Variants in KIF3C observed in about 807,000 individuals in gnomAD.
KIF3C encodes kinesin family member 3C.
Under a neutral mutation model 67.7 loss-of-function variants are expected in KIF3C, and 12 were observed. The ratio of observed to expected loss-of-function variants is 0.18; its 90% CI spans 0.11 to 0.29. The LOEUF is 0.29. KIF3C is among the 10% of genes least tolerant of loss of function. The pLI is 1.00. For synonymous variants in KIF3C, 393 were observed against 426.2 expected, an observed-to-expected ratio of 0.92 and a Z score of 0.96; for missense variants, 789 against 1,059.6, an observed-to-expected ratio of 0.74 and a Z score of 3.55.
chr2:25,946,890 C>A (rs190701794), intron 5 of KIF3C, among the ~76,000 whole-genome samples: 1 of 151,722 alleles, frequency 6.6e-6, no homozygotes, highest in Non-Finnish European at 1.5e-5. Context: ...CAGTGGCTCA[C>A]GCCTGTATCC....
Position 25,927,123 on chromosome 2 carries a change from G to A in KIF3C, c.*1855C>T, listed in dbSNP as rs932025069. 1 of 152,672 alleles carries A rather than the reference G, an allele frequency of 6.5e-6. No homozygotes were observed. The highest frequency in any genetic ancestry group is 6.6e-5 in the Admixed American group (1 of 15,264). 9.5% of individuals were successfully genotyped at this position (152,672 alleles called of 1,614,324 possible). On this transcript the variant is annotated 3_prime_UTR_variant, in exon 8 of 8. Coordinates refer to ENST00000264712, the MANE Select transcript of KIF3C (RefSeq NM_002254.8). ...TCGGGCCCAGCCCTCGGACTGGGGG[G>A]GCTGATTTGGGTATATTGTGCTATA...
chr2:25,963,194 ATATTTTT>A (rs1664049227), intron 1 of KIF3C, among the ~76,000 whole-genome samples: 2 of 52,850 alleles, frequency 3.8e-5, no homozygotes, highest in African/African-American at 2.6e-4. Context: ...ATATATATAT[ATATTTTT>A]TTTTTTTTTT....
chr2:25,981,984 C>T lies in KIF3C; in HGVS notation c.-67G>A. 7.4e-7 allele frequency: 1 copy of T among 1,346,290 alleles called. No homozygotes were observed. The highest frequency in any genetic ancestry group is 1.4e-5 in the South Asian group (1 of 69,988). 83.4% of individuals were successfully genotyped at this position (1,346,290 alleles called of 1,614,324 possible). ...CTGGGCGGTCCTGCTATCCTGCTCG[C>T]TAGGTCGGGATCAGCGGGGCCGGCC... On this transcript the variant is annotated 5_prime_UTR_variant, in exon 1 of 8. An upstream open reading frame in the 5' UTR loses its in-frame stop. Transcript: ENST00000264712. The surrounding 1 kb of genome is among the most constrained non-coding windows in gnomAD (Gnocchi z 8.2).
At chr2:25,957,208 C>A (rs1026717952) in intron 1 of KIF3C, among the ~76,000 whole-genome samples, 1 of 152,170 alleles carries the variant, frequency 6.6e-6, no homozygotes, top group African/African-American at 2.4e-5. Context: ...TATTCTCCTC[C>A]GCATTTAATA....
chr2:25,952,471 TTTTA>T (rs1235130076), intron 4 of KIF3C, among the ~76,000 whole-genome samples: 4 of 151,874 alleles, frequency 2.6e-5, no homozygotes, highest in Non-Finnish European at 5.9e-5. Flanking sequence ...GAATAAATAC[TTTTA>T]TTTGATAGCA....
chr2:25,929,560 G>A (rs539400010), intron 6 of KIF3C, 83 bp from the exon 7 acceptor site: 3 of 1,192,354 alleles, frequency 2.5e-6, no homozygotes, highest in East Asian at 4.7e-5. Context: ...GGGTGTAGCA[G>A]GGCTGATGAG....
At chr2:25,950,422 A>G (rs112083177) in intron 5 of KIF3C, among the ~76,000 whole-genome samples, 1,846 of 150,866 alleles carry the variant, frequency 0.012, 46 homozygotes, top group African/African-American at 0.043. Context: ...GGGTTTCACT[A>G]TGTTGGTCAG....
Position 25,980,278 on chromosome 2 carries a change from A to T in KIF3C, c.1545+95T>A. 9.7e-7 allele frequency: 1 copy of T among 1,025,970 alleles called. No individual in the cohort carries two copies. Among genetic ancestry groups the T allele is most frequent in the Non-Finnish European group, 1.4e-6 (1 of 706,940 alleles). The allele number at this position is 1,025,970 out of a possible 1,614,324, so 63.6% of individuals were successfully genotyped here. A position where few individuals can be genotyped will look rare whatever the true frequency, so the allele number is the denominator to read the frequency against. On this transcript the variant is annotated intron_variant, in intron 1 of 7. Coordinates refer to ENST00000264712, the MANE Select transcript of KIF3C (RefSeq NM_002254.8). This position sits in a 1 kb window ranked among gnomAD's most constrained non-coding sequence, Gnocchi z 7.6. ...TGTGCGGTGCTGAGGGAGAACCTCC[A>T]CTTCAGGCCAGGTCACAGACTCTCA...
Position 25,980,524 on chromosome 2 carries a change from T to A in KIF3C, c.1394A>T (p.Lys465Met), listed in dbSNP as rs757257935. The A allele has an allele frequency of 6.2e-7, 1 of 1,614,136 alleles. No homozygotes were observed. The highest frequency in any genetic ancestry group is 8.5e-7 in the Non-Finnish European group (1 of 1,180,008). ...TGCCTTCTCCTCCTCCAGCCGCTCC[T>A]TCTGTTCCTGCAGGTAATTCTCCAT... ...KNMENYLQEQKERLEEEKAAI... is the reference protein window; with the variant it reads ...KNMENYLQEQMERLEEEKAAI... Residue 465 changes from lysine to methionine, a missense_variant, in exon 1 of 8, where the codon AAG becomes ATG. Around this residue, in one of 2 missense-constraint regions of KIF3C, gnomAD observed 648 missense variants for 807.8 expected, o/e 0.80. Coordinates refer to ENST00000264712, the MANE Select transcript of KIF3C (RefSeq NM_002254.8). The surrounding 1 kb of genome is among the most constrained non-coding windows in gnomAD (Gnocchi z 7.6).
chr2:25,954,694 CATA>C (rs1232922265), intron 3 of KIF3C, among the ~76,000 whole-genome samples: 1 of 152,216 alleles, frequency 6.6e-6, no homozygotes, highest in African/African-American at 2.4e-5. Context: ...ACCCTCCTTT[CATA>C]GATGAGGAAG....
chr2:25,936,525 T>C (rs1056267566), intron 5 of KIF3C, among the ~76,000 whole-genome samples: 2 of 152,244 alleles, frequency 1.3e-5, no homozygotes, highest in Non-Finnish European at 2.9e-5. Context: ...AATTAATTAG[T>C]TCAAACATCT....
At chr2:25,945,165 A>G (rs559008281) in intron 5 of KIF3C, among the ~76,000 whole-genome samples, 8 of 152,218 alleles carry the variant, frequency 5.3e-5, no homozygotes, top group African/African-American at 1.9e-4. Flanking sequence ...ACACTGTCCA[A>G]TTGGTATTCA....
chr2:25,968,427 A>G (rs7603456), intron 1 of KIF3C, among the ~76,000 whole-genome samples: 41,051 of 152,108 alleles, frequency 0.27, 6,583 homozygotes, highest in African/African-American at 0.45. Flanking sequence ...TCACCTTGAA[A>G]AAAAGCAGGA....
chr2:25,970,389 C>T (rs1187370670), intron 1 of KIF3C, among the ~76,000 whole-genome samples: 1 of 152,042 alleles, frequency 6.6e-6, no homozygotes, highest in East Asian at 1.9e-4. Context: ...CACATCAGGC[C>T]GGGCGCGGTG....
At chr2:25,977,746 A>G (rs778974293) in intron 1 of KIF3C, among the ~76,000 whole-genome samples, 1 of 152,006 alleles carries the variant, frequency 6.6e-6, no homozygotes, top group Non-Finnish European at 1.5e-5. Flanking sequence ...TATCTCTAAC[A>G]TGCTCCTCCC....
At position 25,980,666 on chromosome 2, in the gene KIF3C, G is replaced by A; in HGVS notation, c.1252C>T (p.Pro418Ser). The A allele has an allele frequency of 6.2e-7, 1 of 1,614,040 alleles. No homozygotes were observed. Among genetic ancestry groups the A allele is most frequent in the Non-Finnish European group, 8.5e-7 (1 of 1,180,034 alleles). ...SSRRKKAVSA[P>S]PGYPEGPVIE... Reference sequence around the variant, plus strand: ...ACTGGGCCCTCAGGGTACCCAGGCGGGGCGGACACGGCCTTCTTCCTGCGG... The same window carrying A: ...ACTGGGCCCTCAGGGTACCCAGGCGAGGCGGACACGGCCTTCTTCCTGCGG... Residue 418 changes from proline (P) to serine (S), a missense_variant, in exon 1 of 8, where the codon CCG (proline) becomes TCG (serine). Coordinates refer to ENST00000264712, the MANE Select transcript of KIF3C (RefSeq NM_002254.8). The surrounding 1 kb of genome is among the most constrained non-coding windows in gnomAD (Gnocchi z 7.6).
At chr2:25,933,987 T>C (rs1055600416) in intron 5 of KIF3C, 16 of 332,698 alleles carry the variant, frequency 4.8e-5, no homozygotes, top group Admixed American at 1.7e-4. Flanking sequence ...AACTGATGTG[T>C]TGATAAACCA....
intron 5 of KIF3C, among the ~76,000 whole-genome samples, chr2:25,932,004 T>G (rs1307895209): frequency 9.4e-6 from 1 of 106,776 alleles, no homozygotes; most frequent in Non-Finnish European, 1.9e-5. Flanking sequence ...TTCTGTTTTG[T>G]TTTTTTTTTT....
intron 5 of KIF3C, among the ~76,000 whole-genome samples, chr2:25,931,371 T>C (rs2090457653): frequency 6.6e-6 from 1 of 151,956 alleles, no homozygotes; most frequent in Non-Finnish European, 1.5e-5. Context: ...GGCAGGAGAA[T>C]TGCTTGAACC....
Sources: gnomAD v4.1 joint callset for allele counts (sites outside exome capture counted in the v4.1 genomes callset) on GRCh38, gnomAD v4.1.1 for gene constraint, gnomAD v4.1.1 regional missense constraint, Gnocchi (gnomAD v3.1) non-coding constraint, MANE v1.5 for transcripts, NCBI Gene and HGNC (gene_info 2026-07-23, HGNC 2026-07-21) for gene names.